Variants in SYNE2 observed in about 807,000 individuals in gnomAD.
SYNE2 encodes nesprin-2.
Under a neutral mutation model 856.3 loss-of-function variants are expected in SYNE2, and 431 were observed. That is an observed-to-expected ratio of 0.50 (90% CI 0.47 to 0.55). The LOEUF is 0.55. Ranked by LOEUF, SYNE2 falls within the 20% of genes least tolerant of loss-of-function variation. The pLI is 0.00. For missense variants in SYNE2, 8,129 were observed against 8,023.2 expected (o/e 1.01, Z -0.50); for synonymous variants, 2,923 against 2,872.3 (o/e 1.02, Z -0.56).
At chr14:64,023,229 C>CA (rs1238378825) in intron 38 of SYNE2, 2 of 202,568 alleles carry the variant, frequency 9.9e-6, no homozygotes, top group Admixed American at 1.1e-4. Flanking sequence ...TCCTGGGCGA[C>CA]AGAGTGAGAC....
At chr14:63,803,683 G>A (rs968225767) in intron 1 of SYNE2, among the ~76,000 whole-genome samples, 2 of 152,214 alleles carry the variant, frequency 1.3e-5, no homozygotes, top group East Asian at 1.9e-4. Context: ...GTGGGCTCAA[G>A]CCTTGGCCAG....
intron 38 of SYNE2, 44 bp from the exon 39 acceptor site, chr14:64,024,213 C>A: frequency 6.3e-7 from 1 of 1,590,108 alleles, no homozygotes; most frequent in South Asian, 1.1e-5. Context: ...AGACCACATT[C>A]AGACTTGCCA....
At chr14:63,868,786 G>T (rs922099365) in intron 1 of SYNE2, among the ~76,000 whole-genome samples, 3 of 152,112 alleles carry the variant, frequency 2.0e-5, no homozygotes, top group Non-Finnish European at 4.4e-5. Context: ...TCCTTAAAAG[G>T]CATTCAAAGT....
In SYNE2 at chr14:64,098,780, G is replaced by A; in HGVS notation, c.12340G>A (p.Ala4114Thr). 2 of 1,614,156 alleles carry A rather than the reference G, an allele frequency of 1.2e-6. No individual in the cohort carries two copies. The highest frequency in any genetic ancestry group is 8.5e-7 in the Non-Finnish European group (1 of 1,180,030). Reference sequence around the variant, plus strand: ...AAGAGGCTCCATGTCTTACCTGGCAGCAGTCGAGGAAGAGGTGGAAGAAAG... The same window carrying A: ...AAGAGGCTCCATGTCTTACCTGGCAACAGTCGAGGAAGAGGTGGAAGAAAG... Reference protein sequence around the residue: ...NRRGSMSYLAAVEEEVEESSV... With the variant: ...NRRGSMSYLATVEEEVEESSV... Residue 4114 changes from alanine (A) to threonine (T), a missense_variant, in exon 63 of 116, where the codon GCA becomes ACA. Ala to Thr is a moderately conservative substitution (Grantham distance 58, BLOSUM62 0). Coordinates refer to ENST00000555002, the MANE Select transcript of SYNE2 (RefSeq NM_182914.3).
chr14:64,076,159 A>G, intron 54 of SYNE2, 59 bp downstream of exon 54: 1 of 1,566,158 alleles, frequency 6.4e-7, no homozygotes, highest in Non-Finnish European at 8.7e-7. Flanking sequence ...TATCAGGAGG[A>G]AAATATCATT....
chr14:64,151,417 A>AT (rs1298031994), intron 84 of SYNE2, among the ~76,000 whole-genome samples: 1 of 109,722 alleles, frequency 9.1e-6, no homozygotes, highest in African/African-American at 3.8e-5. Flanking sequence ...CTTACAAAGG[A>AT]TTTAAAAAAA....
chr14:64,051,499 A>G (rs2097226317), intron 47 of SYNE2, 58 bp from the exon 48 acceptor site: 1 of 1,466,466 alleles, frequency 6.8e-7, no homozygotes, highest in Non-Finnish European at 9.3e-7. Flanking sequence ...ATTTATCCAC[A>G]TTTTAATGTA....
intron 1 of SYNE2, among the ~76,000 whole-genome samples, chr14:63,814,767 C>CAT (rs1190059554): frequency 2.2e-5 from 2 of 92,214 alleles, no homozygotes; most frequent in Non-Finnish European, 4.1e-5. Flanking sequence ...TATATATATC[C>CAT]ATATATATAT....
intron 2 of SYNE2, among the ~76,000 whole-genome samples, chr14:63,913,880 AT>A (rs2153363637): frequency 6.6e-6 from 1 of 152,098 alleles, no homozygotes; most frequent in South Asian, 2.1e-4. Flanking sequence ...AATTAAAAAA[AT>A]ATATACGGGG....
At chr14:64,054,344 T>C (rs2097252174) in intron 48 of SYNE2, among the ~76,000 whole-genome samples, 1 of 152,230 alleles carries the variant, frequency 6.6e-6, no homozygotes, top group Non-Finnish European at 1.5e-5. Flanking sequence ...CTAACATTTA[T>C]GTAGAACTTA....
At chr14:64,110,271 TTTACTGA>T (rs1222581989) in intron 65 of SYNE2, among the ~76,000 whole-genome samples, 1 of 152,206 alleles carries the variant, frequency 6.6e-6, no homozygotes, top group Non-Finnish European at 1.5e-5. Context: ...TGCAGTTTTT[TTTACTGA>T]TTACTGATTA....
intron 69 of SYNE2, 34 bp from the exon 70 acceptor site, chr14:64,122,252 A>C: frequency 6.2e-7 from 1 of 1,614,136 alleles, no homozygotes; most frequent in Non-Finnish European, 8.5e-7. Context: ...TTTAGTGTTG[A>C]TTATTCTCTT....
At chr14:63,866,855 C>G (rs562060422) in intron 1 of SYNE2, among the ~76,000 whole-genome samples, 1 of 152,098 alleles carries the variant, frequency 6.6e-6, no homozygotes, top group Non-Finnish European at 1.5e-5. Flanking sequence ...AACTGTAGTT[C>G]CAGCTCCTCA....
In SYNE2 at chr14:64,209,991, A is replaced by G. The variant is rs1207761548; in HGVS notation, c.18590A>G (p.Asn6197Ser). The change falls in exon 103 of 116, where the codon AAC becomes AGC. Residue 6197 changes from asparagine (N) to serine (S), a missense_variant. By Grantham distance (46) the Asn-to-Ser change is conservative. This residue lies in a region of SYNE2 where 5,410 missense variants were observed against 5,284.8 expected (regional missense o/e 1.02). Coordinates refer to ENST00000555002, the MANE Select transcript of SYNE2 (RefSeq NM_182914.3). ...CGGCTCACTCAGCTGGAGCTCATCA[A>G]CAAGCAGTACCGGCGGCTGGCCCGG... is the stretch of plus-strand genomic sequence containing the variant. ...HERLTQLELI[N>S]KQYRRLAREN... 1.2e-6 allele frequency: 2 copies of G among 1,614,122 alleles called. No individual in the cohort carries two copies. The highest frequency in any genetic ancestry group is 8.5e-7 in the Non-Finnish European group (1 of 1,179,996).
At chr14:64,191,169 T>TATTATTTAAATTATTATTTAAATTTA (rs1555536564) in intron 99 of SYNE2, 253 of 360,560 alleles carry the variant, frequency 7.0e-4, no homozygotes, top group African/African-American at 5.1e-3. Context: ...AAATTAAATT[T>TATTATTTAAATTATTATTTAAATTTA]ATTATTTAAA....
intron 83 of SYNE2, among the ~76,000 whole-genome samples, chr14:64,145,432 C>G (rs147674981): frequency 2.0e-5 from 3 of 148,660 alleles, no homozygotes; most frequent in Non-Finnish European, 4.4e-5. Flanking sequence ...TGCTTGAACC[C>G]GGGAGGTGGA....
At chr14:64,183,056 G>A (rs1236994394) in intron 96 of SYNE2, among the ~76,000 whole-genome samples, 2 of 148,940 alleles carry the variant, frequency 1.3e-5, no homozygotes, top group East Asian at 2.0e-4. Flanking sequence ...GCTGCTGGGC[G>A]GAGACGCTCC....
chr14:64,083,313 C>T (rs1326291270), intron 57 of SYNE2, among the ~76,000 whole-genome samples: 1 of 151,390 alleles, frequency 6.6e-6, no homozygotes, highest in Non-Finnish European at 1.5e-5. Flanking sequence ...AACTCTTTAT[C>T]ACCTCCCTGA....
intron 1 of SYNE2, among the ~76,000 whole-genome samples, chr14:63,843,371 C>T (rs1890132084): frequency 1.3e-5 from 2 of 152,110 alleles, no homozygotes; most frequent in Non-Finnish European, 1.5e-5. Context: ...AATCTAGCTA[C>T]ATCAATGAAT....
Sources: allele counts gnomAD v4.1 joint callset (sites outside exome capture counted in the v4.1 genomes callset), GRCh38; gene constraint gnomAD v4.1.1; regional missense constraint gnomAD v4.1.1; transcripts MANE v1.5; gene names NCBI Gene and HGNC (gene_info 2026-07-23, HGNC 2026-07-21).